The following SH3RF1 variants were observed in gnomAD, a reference collection of about 807,000 sequenced individuals.
The protein encoded by SH3RF1 is E3 ubiquitin-protein ligase SH3RF1.
In SH3RF1, 32 loss-of-function variants were observed where a neutral mutation model predicts 74.0. The observed-to-expected ratio is 0.43, with a 90% CI of 0.33 to 0.58. SH3RF1 has a LOEUF of 0.58. Ranked by LOEUF, SH3RF1 falls within the 20% of genes least tolerant of loss-of-function variation. The pLI, the probability that SH3RF1 is intolerant of heterozygous loss-of-function variation, is 0.05. For missense variants in SH3RF1, 954 were observed against 1,130.9 expected (o/e 0.84, Z 2.24); for synonymous variants, 396 against 439.6 (o/e 0.90, Z 1.24).
At chr4:169,110,197 G>C (rs1172320227) in intron 10 of SH3RF1, among the ~76,000 whole-genome samples, 1 of 151,598 alleles carries the variant, frequency 6.6e-6, no homozygotes, top group South Asian at 2.1e-4. Flanking sequence ...AACATAGCAA[G>C]ACCCCATCTC....
chr4:169,206,137 G>A (rs542668518), intron 2 of SH3RF1, among the ~76,000 whole-genome samples: 1 of 152,200 alleles, frequency 6.6e-6, no homozygotes, highest in African/African-American at 2.4e-5. Context: ...GTGCTAAAGA[G>A]CATCTCTTGC....
At chr4:169,133,944 A>T (rs1030747006) in intron 5 of SH3RF1, among the ~76,000 whole-genome samples, 6 of 152,206 alleles carry the variant, frequency 3.9e-5, no homozygotes, top group Admixed American at 3.9e-4. Flanking sequence ...TCCTGTTTTA[A>T]ATGGTCTTAC....
At chr4:169,111,759 G>T (rs1733249213) in intron 10 of SH3RF1, among the ~76,000 whole-genome samples, 1 of 152,178 alleles carries the variant, frequency 6.6e-6, no homozygotes, top group Non-Finnish European at 1.5e-5. Flanking sequence ...GGATCTCATA[G>T]AAGGAAGAAT....
At chr4:169,247,713 G>A (rs1284976569) in intron 2 of SH3RF1, among the ~76,000 whole-genome samples, 3 of 151,824 alleles carry the variant, frequency 2.0e-5, no homozygotes, top group African/African-American at 4.8e-5. Context: ...TCCTGCACAC[G>A]ACAGAAACTG....
At chr4:169,164,973 G>C (rs867132975) in intron 2 of SH3RF1, among the ~76,000 whole-genome samples, 2 of 152,158 alleles carry the variant, frequency 1.3e-5, no homozygotes, top group Non-Finnish European at 2.9e-5. Context: ...CAAGTAAAAT[G>C]CAAGAAGTTT....
intron 2 of SH3RF1, among the ~76,000 whole-genome samples, chr4:169,168,980 C>T (rs934510195): frequency 3.3e-5 from 5 of 152,168 alleles, no homozygotes; most frequent in Non-Finnish European, 5.9e-5. Flanking sequence ...CTTCAATACT[C>T]CAAAGTCTGT....
intron 4 of SH3RF1, among the ~76,000 whole-genome samples, chr4:169,151,465 T>C (rs762150238): frequency 6.7e-6 from 1 of 149,748 alleles, no homozygotes; most frequent in Non-Finnish European, 1.5e-5. Flanking sequence ...AGAGTCAAGA[T>C]TGGAATCCTG....
intron 1 of SH3RF1, 106 bp from the exon 2 acceptor site, chr4:169,269,413 C>T: frequency 1.8e-6 from 1 of 564,372 alleles, no homozygotes; most frequent in South Asian, 2.6e-5. Context: ...ACACTATTCC[C>T]TGTCTGAATA....
chr4:169,140,520 T>A (rs1325450311), intron 4 of SH3RF1, among the ~76,000 whole-genome samples: 1 of 152,184 alleles, frequency 6.6e-6, no homozygotes, highest in African/African-American at 2.4e-5. Context: ...CTTATGCCCC[T>A]TTTTGGAAAA....
intron 2 of SH3RF1, among the ~76,000 whole-genome samples, chr4:169,251,610 T>A (rs1579163615): frequency 6.6e-6 from 1 of 152,208 alleles, no homozygotes; most frequent in Non-Finnish European, 1.5e-5. Context: ...GACAGGTACA[T>A]TTAAGCCTTA....
chr4:169,150,712 A>G (rs1199101556), intron 4 of SH3RF1, among the ~76,000 whole-genome samples: 1 of 152,174 alleles, frequency 6.6e-6, no homozygotes, highest in Non-Finnish European at 1.5e-5. Flanking sequence ...TGACTGCAGT[A>G]CGCCATTTTA....
chr4:169,097,172 A>G (rs1732945596), intron 11 of SH3RF1, among the ~76,000 whole-genome samples: 1 of 152,172 alleles, frequency 6.6e-6, no homozygotes, highest in Non-Finnish European at 1.5e-5. Flanking sequence ...GTAAGCACAC[A>G]GAGGTCAGGA....
chr4:169,159,253 C>A (rs1471620769), intron 2 of SH3RF1, among the ~76,000 whole-genome samples: 2 of 152,120 alleles, frequency 1.3e-5, no homozygotes, highest in African/African-American at 4.8e-5. Context: ...TTTTTCTCTA[C>A]CCTCACAGAT....
chr4:169,258,661 TG>T (rs1312749472), intron 2 of SH3RF1, among the ~76,000 whole-genome samples: 1 of 152,144 alleles, frequency 6.6e-6, no homozygotes, highest in East Asian at 1.9e-4. Flanking sequence ...TCAAAGATTT[TG>T]AAAAAAACTG....
chr4:169,109,990 T>G, intron 10 of SH3RF1, among the ~76,000 whole-genome samples: 2 of 143,268 alleles, frequency 1.4e-5, no homozygotes, highest in Admixed American at 7.2e-5. Flanking sequence ...CCAGCCTGGG[T>G]GATAGAGGGA....
At chr4:169,170,869 A>G (rs1177138282) in intron 2 of SH3RF1, among the ~76,000 whole-genome samples, 1 of 152,246 alleles carries the variant, frequency 6.6e-6, no homozygotes, top group Non-Finnish European at 1.5e-5. Context: ...AGAGATACGG[A>G]AAACAGCTCT....
intron 2 of SH3RF1, among the ~76,000 whole-genome samples, chr4:169,220,967 A>G (rs566679813): frequency 3.9e-5 from 6 of 152,364 alleles, no homozygotes; most frequent in African/African-American, 1.4e-4. Context: ...TAGCAGACAA[A>G]CAATTCTGGT....
At chr4:169,176,930 T>C (rs1734430665) in intron 2 of SH3RF1, among the ~76,000 whole-genome samples, 1 of 119,668 alleles carries the variant, frequency 8.4e-6, no homozygotes, top group Non-Finnish European at 1.9e-5. Context: ...TAATTTCTGT[T>C]GTTGTTGTTG....
At chr4:169,208,408 G>T (rs556786193) in intron 2 of SH3RF1, among the ~76,000 whole-genome samples, 1 of 151,958 alleles carries the variant, frequency 6.6e-6, no homozygotes, top group Non-Finnish European at 1.5e-5. Context: ...AGCAGCAATG[G>T]GTAGGGGAGA....
Sources: gnomAD v4.1 joint callset for allele counts (sites outside exome capture counted in the v4.1 genomes callset) on GRCh38, gnomAD v4.1.1 for gene constraint, MANE v1.5 for transcripts, NCBI Gene and HGNC (gene_info 2026-07-23, HGNC 2026-07-21) for gene names.